Variants in PAK1IP1 observed in about 807,000 individuals in gnomAD.
PAK1IP1 encodes p21-activated protein kinase-interacting protein 1.
A neutral mutation model predicts 42.0 loss-of-function variants in PAK1IP1; 24 were observed. The ratio of observed to expected loss-of-function variants is 0.57; its 90% CI spans 0.41 to 0.80. PAK1IP1 has a LOEUF of 0.80. PAK1IP1 is among the 30% of genes least tolerant of loss of function. The pLI is 0.00. For synonymous variants in PAK1IP1, 154 were observed against 156.7 expected, an observed-to-expected ratio of 0.98 and a Z score of 0.13; for missense variants, 411 against 467.9, an observed-to-expected ratio of 0.88 and a Z score of 1.12.
At chr6:10,707,289 C>T in intron 7 of PAK1IP1, 126 bp from the exon 8 acceptor site, 2 of 654,060 alleles carry the variant, frequency 3.1e-6, no homozygotes, top group South Asian at 3.8e-5. Flanking sequence ...TTTAAGGCAC[C>T]ATTCATTGAG....
At chr6:10,706,584 T>A (rs981777715) in intron 7 of PAK1IP1, among the ~76,000 whole-genome samples, 1 of 152,078 alleles carries the variant, frequency 6.6e-6, no homozygotes, top group Non-Finnish European at 1.5e-5. Context: ...TGATTTGATT[T>A]ACATTTTTAA....
At chr6:10,701,312 A>G (rs1223811454) in intron 2 of PAK1IP1, among the ~76,000 whole-genome samples, 1 of 152,036 alleles carries the variant, frequency 6.6e-6, no homozygotes, top group Non-Finnish European at 1.5e-5. Flanking sequence ...CCTGACCTCA[A>G]GTGATCTGCC....
intron 8 of PAK1IP1, 24 bp downstream of exon 8, chr6:10,707,538 A>G (rs760654915): frequency 2.3e-6 from 3 of 1,325,410 alleles, no homozygotes; most frequent in South Asian, 2.4e-5. Context: ...CACAATCTAA[A>G]TGTACTTTAA....
chr6:10,706,376 T>C (rs555805082), intron 7 of PAK1IP1, among the ~76,000 whole-genome samples: 1 of 152,154 alleles, frequency 6.6e-6, no homozygotes, highest in African/African-American at 2.4e-5. Flanking sequence ...GTAATCATCA[T>C]AATTTTTCTT....
At position 10,709,557 on chromosome 6, in the gene PAK1IP1, T is replaced by C; in HGVS notation, c.*105T>C. On this transcript the variant is annotated 3_prime_UTR_variant, in exon 10 of 10. Coordinates refer to ENST00000379568, the MANE Select transcript of PAK1IP1 (RefSeq NM_017906.3). ...AGTAAAAGCAAGAAATTTCTTCCTT[T>C]GGAAAAAATATATATATTAAAAAAC... The C allele has an allele frequency of 1.7e-6, 1 of 596,094 alleles. No individual in the cohort carries two copies. Among genetic ancestry groups the C allele is most frequent in the East Asian group, 3.4e-5 (1 of 29,034 alleles). 36.9% of individuals were successfully genotyped at this position (596,094 alleles called of 1,614,324 possible).
At chr6:10,705,017 TC>T (rs2127481114) in intron 7 of PAK1IP1, among the ~76,000 whole-genome samples, 173 bp downstream of exon 7, 1 of 152,310 alleles carries the variant, frequency 6.6e-6, no homozygotes, top group East Asian at 1.9e-4. Flanking sequence ...GATGTTATCT[TC>T]CTGGCATTTA....
intron 2 of PAK1IP1, 106 bp from the exon 3 acceptor site, chr6:10,702,263 A>C (rs1185983776): frequency 2.2e-6 from 2 of 902,060 alleles, no homozygotes; most frequent in Non-Finnish European, 3.4e-6. Flanking sequence ...AAGAAAAAGA[A>C]AAAAAGGTAT....
At position 10,702,267 on chromosome 6, in the gene PAK1IP1, A is replaced by G. The variant is rs1208183032; in HGVS notation, c.248-102A>G. The G allele has an allele frequency of 3.3e-6, 3 of 913,006 alleles. No individual in the cohort carries two copies. The African/African-American group carries it at 5.1e-5, about 15-fold the overall frequency. 56.6% of individuals were successfully genotyped at this position (913,006 alleles called of 1,614,324 possible). On this transcript the variant is annotated intron_variant, in intron 2 of 9. Coordinates refer to ENST00000379568, the MANE Select transcript of PAK1IP1 (RefSeq NM_017906.3). ...AAAAAAAAAAAAAGAAAAAGAAAAAAAGGTATTGAGTGTTTTACTTAGCAT... is the reference window on the plus strand; with the variant it reads ...AAAAAAAAAAAAAGAAAAAGAAAAAGAGGTATTGAGTGTTTTACTTAGCAT...
At chr6:10,707,355 T>G (rs1013515908) in intron 7 of PAK1IP1, 60 bp from the exon 8 acceptor site, 2 of 953,012 alleles carry the variant, frequency 2.1e-6, no homozygotes, top group Non-Finnish European at 3.4e-6. Flanking sequence ...TGTAATTTTA[T>G]AACAATATTA....
At position 10,703,393 on chromosome 6, in the gene PAK1IP1, C is replaced by T. The variant is rs1200289889; in HGVS notation, c.444-12C>T. 2 of 1,605,066 alleles carry T rather than the reference C, an allele frequency of 1.2e-6. No homozygotes were observed. Among genetic ancestry groups the T allele is most frequent in the Admixed American group, 1.7e-5 (1 of 59,456 alleles). ...TGGTGATCACACCGTAAGTGAGCTT[C>T]CTGTTTTGCAGAACGTGGAATCTTG... On this transcript the variant is annotated splice_polypyrimidine_tract_variant and intron_variant, in intron 4 of 9. Coordinates refer to ENST00000379568, the MANE Select transcript of PAK1IP1 (RefSeq NM_017906.3).
intron 8 of PAK1IP1, among the ~76,000 whole-genome samples, chr6:10,707,774 T>C (rs1397168148): frequency 6.6e-5 from 10 of 152,232 alleles, no homozygotes; most frequent in Non-Finnish European, 1.5e-4. Context: ...CTCTTGAATA[T>C]TGGAGTTCTC....
upstream of PAK1IP1, among the ~76,000 whole-genome samples, chr6:10,691,171 C>A (rs114602825): frequency 6.6e-6 from 1 of 152,294 alleles, no homozygotes; most frequent in African/African-American, 2.4e-5. Context: ...TAATGAGGTA[C>A]GCTTACACTA....
At chr6:10,694,441 G>C (rs1268380146), upstream of PAK1IP1, 1 of 154,574 alleles carries the variant, frequency 6.5e-6, no homozygotes, top group African/African-American at 2.4e-5. Context: ...GGCAGCGCGA[G>C]CGCTGCGCCG....
upstream of PAK1IP1, chr6:10,694,601 CAACCG>C: frequency 5.7e-6 from 1 of 175,894 alleles, no homozygotes; most frequent in South Asian, 1.1e-4. Context: ...AGCCCCTAAG[CAACCG>C]GCCGGAAGTC....
In PAK1IP1 at chr6:10,709,423, A is replaced by G. The variant is rs747636201; in HGVS notation, c.1150A>G (p.Lys384Glu). The G allele has an allele frequency of 1.1e-5, 18 of 1,611,482 alleles. No individual in the cohort carries two copies. Among genetic ancestry groups the G allele is most frequent in the Non-Finnish European group, 1.5e-5 (18 of 1,178,748 alleles). Reference protein sequence around the residue: ...KMVEMLEKKRKKKKIKTMQ With the variant: ...KMVEMLEKKREKKKIKTMQ ...GGTAGAAATGTTGGAAAAGAAGAGGAAAAAGAAGAAAATAAAAACAATGCA... is the reference window on the plus strand; with the variant it reads ...GGTAGAAATGTTGGAAAAGAAGAGGGAAAAGAAGAAAATAAAAACAATGCA... Residue 384 changes from lysine (K) to glutamate (E), a missense_variant, in exon 10 of 10, where the codon AAA becomes GAA. Physicochemically the swap from Lys to Glu is moderately conservative, Grantham distance 56 (BLOSUM62 1). Transcript: ENST00000379568.
chr6:10,704,168 G>T (rs1049126359), intron 5 of PAK1IP1, among the ~76,000 whole-genome samples: 1 of 151,950 alleles, frequency 6.6e-6, no homozygotes, highest in Non-Finnish European at 1.5e-5. Context: ...TTACAGGCGC[G>T]TGCCACCATG....
intron 1 of PAK1IP1, 46 bp downstream of exon 1, chr6:10,695,115 G>T (rs755102835): frequency 2.1e-5 from 26 of 1,253,950 alleles, no homozygotes; most frequent in Non-Finnish European, 1.9e-5. Context: ...GGGCCGGGAA[G>T]GTCGGGTTTG....
intron 8 of PAK1IP1, among the ~76,000 whole-genome samples, chr6:10,708,584 G>A (rs1034305877): frequency 1.5e-4 from 23 of 151,726 alleles, no homozygotes. Context: ...CAACGTGCAG[G>A]TTAGTTATAT....
At chr6:10,698,074 A>C (rs1051886329) in intron 2 of PAK1IP1, among the ~76,000 whole-genome samples, 3 of 152,206 alleles carry the variant, frequency 2.0e-5, no homozygotes, top group Non-Finnish European at 2.9e-5. Context: ...GGAGGGAGAA[A>C]GGACATTCCA....
Sources: gnomAD v4.1 joint callset for allele counts (sites outside exome capture counted in the v4.1 genomes callset) on GRCh38, gnomAD v4.1.1 for gene constraint, MANE v1.5 for transcripts, NCBI Gene and HGNC (gene_info 2026-07-23, HGNC 2026-07-21) for gene names.